The following HTT variants were observed in gnomAD, a reference collection of about 807,000 sequenced individuals.
HTT encodes the protein huntingtin.
In HTT, 104 loss-of-function variants were observed where a neutral mutation model predicts 362.3. The ratio of observed to expected loss-of-function variants is 0.29; its 90% CI spans 0.24 to 0.34. HTT has a LOEUF of 0.34. Ranked by LOEUF, HTT falls within the 10% of genes least tolerant of loss-of-function variation. The pLI is 1.00. For missense variants in HTT, 3,301 were observed against 3,928.6 expected, an observed-to-expected ratio of 0.84 and a Z score of 4.27; for synonymous variants, 1,577 against 1,548.7, an observed-to-expected ratio of 1.02 and a Z score of -0.43.
Position 3,092,819 on chromosome 4 carries a change from T to A in HTT, c.347+5797T>A, listed in dbSNP as rs147953335. 1.9e-3 allele frequency among the ~76,000 whole-genome samples: 295 copies of A among 152,378 alleles called. 3 individuals are homozygous for A. Among genetic ancestry groups the A allele is most frequent in the African/African-American group, 6.7e-3 (279 of 41,590 alleles). ...ATTTATCTTCTTGCCTTGAAATAGTTGAAAACGGAAGAAATATATGTAACA... is the reference window on the plus strand; with the variant it reads ...ATTTATCTTCTTGCCTTGAAATAGTAGAAAACGGAAGAAATATATGTAACA... On this transcript the variant is annotated intron_variant, in intron 2 of 66. Transcript: ENST00000355072.
At chr4:3,148,288 CCTT>C (rs1205615673) in intron 26 of HTT, 81 bp downstream of exon 26, 2 of 1,024,976 alleles carry the variant, frequency 2.0e-6, no homozygotes, top group Admixed American at 2.9e-5. Context: ...GTAATCTGTC[CCTT>C]CTTTATTCTC....
intron 2 of HTT, among the ~76,000 whole-genome samples, chr4:3,087,930 A>C (rs1234161958): frequency 6.6e-6 from 1 of 151,976 alleles, no homozygotes; most frequent in Non-Finnish European, 1.5e-5. Context: ...GGCTCACTGC[A>C]ACCTCTGCCT....
intron 40 of HTT, among the ~76,000 whole-genome samples, chr4:3,198,693 G>C (rs2110260885): frequency 6.6e-6 from 1 of 152,326 alleles, no homozygotes; most frequent in East Asian, 1.9e-4. Flanking sequence ...CTTTGACCTT[G>C]TTTATCCAAA....
At chr4:3,212,902 C>T (rs999240018) in intron 49 of HTT, 193 bp downstream of exon 49, 11 of 606,470 alleles carry the variant, frequency 1.8e-5, no homozygotes, top group African/African-American at 1.7e-4. Flanking sequence ...CGCCACTCCT[C>T]ATGGTGGCCT....
At chr4:3,200,043 A>G in intron 41 of HTT, 104 bp downstream of exon 41, 4 of 909,608 alleles carry the variant, frequency 4.4e-6, no homozygotes, top group Non-Finnish European at 3.3e-6. Context: ...TTCATTTTCC[A>G]TTTTTTGTGA....
intron 8 of HTT, among the ~76,000 whole-genome samples, chr4:3,116,840 G>A (rs1278266372): frequency 2.0e-5 from 3 of 152,190 alleles, no homozygotes; most frequent in Non-Finnish European, 4.4e-5. Context: ...GCTTACTCAG[G>A]TTATTTCACT....
chr4:3,140,756 A>G, intron 22 of HTT, 100 bp downstream of exon 22: 2 of 1,208,626 alleles, frequency 1.7e-6, no homozygotes, highest in Non-Finnish European at 2.3e-6. Context: ...TCTAGAAAAA[A>G]GCTTCAGCTC....
rs188286522 is a variant in HTT, at chr4:3,152,903, G to A, written c.3499-1390G>A. Among the ~76,000 whole-genome samples the A allele has an allele frequency of 4.6e-3, 697 of 150,324 alleles. 3 individuals carry two copies. The highest frequency in any genetic ancestry group is 6.3e-3 in the Non-Finnish European group (427 of 67,714). On this transcript the variant is annotated intron_variant, in intron 26 of 66. Coordinates refer to ENST00000355072, the MANE Select transcript of HTT (RefSeq NM_001388492.1). ...CCTGACTTCATGATCCGCCTGCCTC[G>A]GCCTCCCAAAGTGCTGGGATTACAG...
At chr4:3,156,447 T>TAG (rs1412318785) in intron 27 of HTT, among the ~76,000 whole-genome samples, 2 of 152,162 alleles carry the variant, frequency 1.3e-5, no homozygotes, top group Non-Finnish European at 2.9e-5. Context: ...TGCTCTTTTC[T>TAG]AAGGATTGAC....
intron 2 of HTT, 111 bp from the exon 3 acceptor site, chr4:3,099,163 A>G (rs1284273239): frequency 3.0e-6 from 2 of 665,786 alleles, no homozygotes; most frequent in East Asian, 2.7e-5. Context: ...TTTCTATGTA[A>G]TGTCCTTTTT....
intron 26 of HTT, among the ~76,000 whole-genome samples, chr4:3,153,849 A>C (rs546541288): frequency 1.3e-5 from 2 of 152,214 alleles, no homozygotes; most frequent in African/African-American, 4.8e-5. Context: ...GCTTGAGCCC[A>C]GGAGGTTGAG....
At chr4:3,134,654 G>A in intron 19 of HTT, 114 bp downstream of exon 19, 1 of 951,746 alleles carries the variant, frequency 1.1e-6, no homozygotes, top group Non-Finnish European at 1.6e-6. Flanking sequence ...AATCCGAGTG[G>A]TTTAGGTAGA....
At chr4:3,181,589 T>C (rs1160507455) in intron 36 of HTT, among the ~76,000 whole-genome samples, 1 of 152,190 alleles carries the variant, frequency 6.6e-6, no homozygotes, top group African/African-American at 2.4e-5. Flanking sequence ...TGTTTGTCTT[T>C]GAATCTTCAT....
intron 59 of HTT, 47 bp from the exon 60 acceptor site, chr4:3,229,840 T>C (rs1315066291): frequency 6.2e-7 from 1 of 1,604,188 alleles, no homozygotes; most frequent in Non-Finnish European, 8.5e-7. Context: ...GCCTGGATTC[T>C]AACAGCGCGA....
Position 3,116,199 on chromosome 4 carries a change from A to C in HTT, c.1004A>C (p.Lys335Thr). The C allele has an allele frequency of 1.2e-6, 2 of 1,614,100 alleles. No homozygotes were observed. Among genetic ancestry groups the C allele is most frequent in the Middle Eastern group, 3.3e-4 (2 of 6,040 alleles). The stretch of plus-strand genomic sequence containing the variant: ...CAGCAGGTCAAGGACACAAGCCTGA[A>C]AGGCAGCTTCGGAGTGACAAGGAAA... ...LQQQVKDTSL[K>T]GSFGVTRKEM... The change falls in exon 8 of 67, where the codon AAA becomes ACA. Residue 335 changes from lysine (K) to threonine (T), a missense_variant. Coordinates refer to ENST00000355072, the MANE Select transcript of HTT (RefSeq NM_001388492.1).
chr4:3,195,497 T>G (rs375031450), intron 40 of HTT, among the ~76,000 whole-genome samples: 1 of 152,196 alleles, frequency 6.6e-6, no homozygotes, highest in African/African-American at 2.4e-5. Context: ...TTGGCTCCCC[T>G]GTGCCACCCT....
intron 14 of HTT, 137 bp downstream of exon 14, chr4:3,130,560 AG>A (rs1715760939): frequency 1.7e-6 from 1 of 575,148 alleles, no homozygotes; most frequent in African/African-American, 1.9e-5. Flanking sequence ...AGCTCTTCCC[AG>A]GCCTGTTGTT....
At chr4:3,161,390 A>G (rs866990177) in intron 29 of HTT, among the ~76,000 whole-genome samples, 1 of 152,178 alleles carries the variant, frequency 6.6e-6, no homozygotes, top group Admixed American at 6.5e-5. Context: ...ATACATGTGC[A>G]TGTGTCTTTA....
rs929861471 is a variant in HTT, at chr4:3,154,565, A to G, written c.3625+146A>G. ...AAAGTTTCTCCAGGTGCGGTTCAAG[A>G]TATTAGAAACTAATGACTGATGTAC... On this transcript the variant is annotated intron_variant, in intron 27 of 66. Coordinates refer to ENST00000355072, the MANE Select transcript of HTT (RefSeq NM_001388492.1). 2.2e-5 allele frequency: 26 copies of G among 1,156,750 alleles called. No homozygotes were observed. The South Asian group carries it at 2.6e-4, about 11-fold the overall frequency. The allele number at this position is 1,156,750 out of a possible 1,614,324, so 71.7% of individuals were successfully genotyped here. A position where few individuals can be genotyped will look rare whatever the true frequency, so the allele number is the denominator to read the frequency against.
Sources: gnomAD v4.1 joint callset for allele counts (sites outside exome capture counted in the v4.1 genomes callset) on GRCh38, gnomAD v4.1.1 for gene constraint, MANE v1.5 for transcripts, NCBI Gene and HGNC (gene_info 2026-07-23, HGNC 2026-07-21) for gene names.